Variants in MED13L observed in about 807,000 individuals in gnomAD.
MED13L encodes mediator of RNA polymerase II transcription subunit 13-like.
Under a neutral mutation model 220.9 loss-of-function variants are expected in MED13L, and 7 were observed. The ratio of observed to expected loss-of-function variants is 0.03; its 90% CI spans 0.02 to 0.06. The LOEUF is 0.06. MED13L is among the 10% of genes least tolerant of loss of function. MED13L has a pLI of 1.00. For missense variants in MED13L, 1,965 were observed against 2,760.5 expected, an observed-to-expected ratio of 0.71 and a Z score of 6.46; for synonymous variants, 1,011 against 1,015.2, an observed-to-expected ratio of 1.00 and a Z score of 0.08.
intron 14 of MED13L, among the ~76,000 whole-genome samples, chr12:115,999,496 A>G (rs916117782): frequency 2.0e-5 from 3 of 152,202 alleles, no homozygotes; most frequent in African/African-American, 7.2e-5. Flanking sequence ...AAACTGTAAT[A>G]TAATTTGAGT....
rs1565986942 is a variant in MED13L, at chr12:115,974,264, AAAC to A, written c.5731+904_5731+906del. ...ATTTACTATCTGGCCATTTACAAAG[AAAC>A]TTTGCTGACTCTGCTCTAATGTATT... On this transcript the variant is annotated intron_variant, in intron 25 of 30. Transcript: ENST00000281928. 2.6e-5 allele frequency among the ~76,000 whole-genome samples: 4 copies of A among 152,362 alleles called. No individual in the cohort carries two copies. In the South Asian group the frequency reaches 8.3e-4, roughly 32 times the overall value.
intron 2 of MED13L, among the ~76,000 whole-genome samples, chr12:116,191,160 T>C (rs1881258042): frequency 6.6e-6 from 1 of 151,668 alleles, no homozygotes; most frequent in Admixed American, 6.6e-5. Flanking sequence ...AACAGTAATT[T>C]CCAAATACTT....
intron 2 of MED13L, among the ~76,000 whole-genome samples, chr12:116,234,381 C>G (rs1167022878): frequency 6.6e-6 from 1 of 152,006 alleles, no homozygotes; most frequent in Non-Finnish European, 1.5e-5. Context: ...GCACCCACCA[C>G]CATGCCCAGC....
intron 2 of MED13L, among the ~76,000 whole-genome samples, chr12:116,152,041 A>AGCATTTTCAC (rs1439811535): frequency 6.6e-6 from 1 of 152,128 alleles, no homozygotes; most frequent in Non-Finnish European, 1.5e-5. Flanking sequence ...TAATCTCCTA[A>AGCATTTTCAC]GCATTTTCAC....
chr12:116,208,339 T>C (rs1882484084), intron 2 of MED13L, among the ~76,000 whole-genome samples: 1 of 152,212 alleles, frequency 6.6e-6, no homozygotes, highest in African/African-American at 2.4e-5. Flanking sequence ...GAGGTTGCAG[T>C]GAGCTGAGAT....
At chr12:116,012,609 T>C (rs948071881) in intron 9 of MED13L, among the ~76,000 whole-genome samples, 188 bp downstream of exon 9, 16 of 152,170 alleles carry the variant, frequency 1.1e-4, no homozygotes, top group African/African-American at 3.6e-4. Context: ...ACAGGGCCGA[T>C]TGTCTAACAA....
intron 4 of MED13L, among the ~76,000 whole-genome samples, chr12:116,088,557 C>A (rs1224349553): frequency 6.6e-6 from 1 of 152,032 alleles, no homozygotes; most frequent in Non-Finnish European, 1.5e-5. Context: ...TCCTACAATG[C>A]ACAGGACAGC....
At chr12:116,189,387 T>C (rs1009738875) in intron 2 of MED13L, among the ~76,000 whole-genome samples, 1 of 152,152 alleles carries the variant, frequency 6.6e-6, no homozygotes, top group African/African-American at 2.4e-5. Flanking sequence ...GAAATCTCTA[T>C]ATATACAAGT....
intron 1 of MED13L, among the ~76,000 whole-genome samples, chr12:116,251,058 T>C (rs981958264): frequency 1.5e-4 from 23 of 149,476 alleles, no homozygotes; most frequent in African/African-American, 5.4e-4. Flanking sequence ...AGGAAAGAGG[T>C]ATATCTAATA....
chr12:116,263,225 T>C (rs1182440352), intron 1 of MED13L, among the ~76,000 whole-genome samples: 4 of 152,030 alleles, frequency 2.6e-5, no homozygotes, highest in African/African-American at 9.7e-5. Context: ...TAGGATTACA[T>C]CACAACGCTT....
intron 2 of MED13L, among the ~76,000 whole-genome samples, chr12:116,119,824 AAAAAAAAAAAAAAAATATATATATAT>A (rs1565886444): frequency 2.7e-5 from 3 of 110,608 alleles, no homozygotes; most frequent in Non-Finnish European, 5.6e-5. Context: ...AAAAAAAAAA[AAAAAAAAAAAAAAAATATATATATAT>A]ATATATATAT....
chr12:116,197,702 T>C (rs935476903), intron 2 of MED13L, among the ~76,000 whole-genome samples: 1 of 151,528 alleles, frequency 6.6e-6, no homozygotes, highest in African/African-American at 2.4e-5. Flanking sequence ...GATTCGGAGG[T>C]TGTGGTGAGC....
intron 2 of MED13L, among the ~76,000 whole-genome samples, chr12:116,176,549 T>A (rs565822648): frequency 8.5e-5 from 13 of 152,278 alleles, no homozygotes; most frequent in African/African-American, 3.1e-4. Context: ...GGCCTTTGAC[T>A]GTAGTCTCAG....
At chr12:116,104,059 G>A (rs1275980297) in intron 3 of MED13L, among the ~76,000 whole-genome samples, 1 of 134,140 alleles carries the variant, frequency 7.5e-6, no homozygotes, top group African/African-American at 2.8e-5. Context: ...CGCCCAGACT[G>A]GAGTGCAATG....
At chr12:116,202,651 C>A (rs1882074877) in intron 2 of MED13L, among the ~76,000 whole-genome samples, 1 of 152,114 alleles carries the variant, frequency 6.6e-6, no homozygotes, top group Admixed American at 6.6e-5. Flanking sequence ...TGCCCCATGC[C>A]TCGGCTTACG....
intron 2 of MED13L, chr12:116,148,604 GATATCTAT>G (rs766134591): frequency 1.1e-5 from 2 of 178,024 alleles, no homozygotes; most frequent in African/African-American, 4.4e-5. Context: ...TATATATGGA[GATATCTAT>G]ATATATATAT....
chr12:116,260,007 A>G (rs1486482404), intron 1 of MED13L, among the ~76,000 whole-genome samples: 2 of 151,602 alleles, frequency 1.3e-5, no homozygotes, highest in Non-Finnish European at 2.9e-5. Flanking sequence ...CACATTAACA[A>G]GAACAGAAGA....
At chr12:116,046,328 GA>G (rs34054979) in intron 4 of MED13L, among the ~76,000 whole-genome samples, 9 of 150,112 alleles carry the variant, frequency 6.0e-5, no homozygotes, top group Admixed American at 2.7e-4. Context: ...TTGAAACATT[GA>G]AAAAAAAATC....
intron 2 of MED13L, among the ~76,000 whole-genome samples, chr12:116,216,067 A>T (rs977741653): frequency 3.3e-5 from 5 of 152,150 alleles, no homozygotes; most frequent in Non-Finnish European, 5.9e-5. Context: ...ACAAGCTGAA[A>T]TTCTAGCTAT....
Sources: gnomAD v4.1 joint callset for allele counts (sites outside exome capture counted in the v4.1 genomes callset) on GRCh38, gnomAD v4.1.1 for gene constraint, MANE v1.5 for transcripts, NCBI Gene and HGNC (gene_info 2026-07-23, HGNC 2026-07-21) for gene names.